The following ENTHD1 variants were observed in gnomAD, a reference collection of about 807,000 sequenced individuals.
The protein encoded by ENTHD1 is ENTH domain containing 1.
In ENTHD1, 23 loss-of-function variants were observed where a neutral mutation model predicts 39.1. That is an observed-to-expected ratio of 0.59 (90% confidence interval 0.42 to 0.83). The LOEUF is 0.83. Among genes scored for constraint, ENTHD1 ranks in the 40% least tolerant of loss-of-function variants. The probability of loss-of-function intolerance (pLI) is 0.00; values close to 1 mark genes in which losing one functional copy is unlikely to be tolerated. For synonymous variants in ENTHD1, 230 were observed against 258.2 expected (o/e 0.89, Z 1.05); for missense variants, 624 against 705.4 (o/e 0.88, Z 1.31).
chr22:39,784,543 TACACAC>T lies in ENTHD1; in HGVS notation c.833-18940_833-18935del, dbSNP rs3044403. 4.3e-3 allele frequency among the ~76,000 whole-genome samples: 609 copies of T among 142,314 alleles called. 4 individuals are homozygous for T. The highest frequency in any genetic ancestry group is 0.025 in the Middle Eastern group (7 of 284). 93.4% of individuals were successfully genotyped at this position (142,314 alleles called of 152,430 possible). On this transcript the variant is annotated intron_variant, in intron 5 of 6. Coordinates refer to ENST00000325157, the MANE Select transcript of ENTHD1 (RefSeq NM_152512.4). ...AAAATGCGCTCTCTCTCTCTCTGTA[TACACAC>T]ACACACACACACACACACACACACA...
At chr22:39,747,609 T>C (rs1337049226) in intron 6 of ENTHD1, among the ~76,000 whole-genome samples, 1 of 152,136 alleles carries the variant, frequency 6.6e-6, no homozygotes, top group East Asian at 1.9e-4. Context: ...TTATCTATAA[T>C]AAATGGTTGA....
chr22:39,804,302 A>G (rs1202388837), intron 5 of ENTHD1, among the ~76,000 whole-genome samples: 1 of 152,114 alleles, frequency 6.6e-6, no homozygotes, highest in Admixed American at 6.5e-5. Flanking sequence ...CCTGGGCAAC[A>G]TAGCGAGACC....
At chr22:39,782,594 A>G (rs920655186) in intron 5 of ENTHD1, among the ~76,000 whole-genome samples, 2 of 152,230 alleles carry the variant, frequency 1.3e-5, no homozygotes, top group African/African-American at 4.8e-5. Context: ...TCAGCAACAC[A>G]TTAAAAAGAT....
In ENTHD1 at chr22:39,868,521, C is replaced by T. The variant is rs549990229; in HGVS notation, c.350-6514G>A. Among the ~76,000 whole-genome samples the T allele has an allele frequency of 2.0e-5, 3 of 152,148 alleles. No homozygotes were observed. In the South Asian group the frequency reaches 6.2e-4, roughly 32 times the overall value. ...ATGTAAGACCTCAAACTATAAGAAT[C>T]CCAGAAGAAAAGCTAGAAAACACCA... On this transcript the variant is annotated intron_variant, in intron 2 of 6. Coordinates refer to ENST00000325157, the MANE Select transcript of ENTHD1 (RefSeq NM_152512.4).
chr22:39,804,841 G>A (rs771812090), intron 5 of ENTHD1, among the ~76,000 whole-genome samples: 2 of 152,138 alleles, frequency 1.3e-5, no homozygotes, highest in Admixed American at 6.5e-5. Context: ...AACTAGACTC[G>A]TATGTAACAG....
chr22:39,744,286 A>G lies in ENTHD1; in HGVS notation c.1220-3T>C. 6.3e-7 allele frequency: 1 copy of G among 1,580,918 alleles called. No homozygotes were observed. Among genetic ancestry groups the G allele is most frequent in the Non-Finnish European group, 8.6e-7 (1 of 1,167,380 alleles). On this transcript the variant is annotated splice_polypyrimidine_tract_variant and splice_region_variant and intron_variant, in intron 6 of 6. Transcript: ENST00000325157. ...TGCTCCCTCAGAAGCAGTTGAAACT[A>G]AAATGTGTAAATGAGAGAAAAAAGA...
intron 5 of ENTHD1, among the ~76,000 whole-genome samples, chr22:39,790,810 C>T (rs765486425): frequency 2.1e-4 from 32 of 152,208 alleles, no homozygotes; most frequent in Non-Finnish European, 4.4e-4. Context: ...TAGCAAGTAG[C>T]GGTCTTCCCA....
chr22:39,827,541 A>G (rs1314288300), intron 4 of ENTHD1, among the ~76,000 whole-genome samples: 1 of 152,210 alleles, frequency 6.6e-6, no homozygotes, highest in Non-Finnish European at 1.5e-5. Flanking sequence ...GGACATGAAT[A>G]GAGTTAACAG....
At chr22:39,781,078 A>G (rs1235281891) in intron 5 of ENTHD1, among the ~76,000 whole-genome samples, 1 of 152,142 alleles carries the variant, frequency 6.6e-6, no homozygotes, top group African/African-American at 2.4e-5. Context: ...TTAATACCCT[A>G]TTCTCAGTAA....
rs1394867180 is a variant in ENTHD1 at position 39,809,899 on chromosome 22, G to A, written c.832+11094C>T. Among the ~76,000 whole-genome samples the A allele has an allele frequency of 2.0e-5, 3 of 152,114 alleles. No individual in the cohort carries two copies. The East Asian group carries it at 5.8e-4, about 29-fold the overall frequency. On this transcript the variant is annotated intron_variant, in intron 5 of 6. Coordinates refer to ENST00000325157, the MANE Select transcript of ENTHD1 (RefSeq NM_152512.4). ...AGGGATGCCGTGGTATCCATTTTCT[G>A]TTTTTTGTTTTTTGTTTTCTTACTT...
At chr22:39,859,861 A>G (rs528241758) in intron 3 of ENTHD1, among the ~76,000 whole-genome samples, 4 of 152,222 alleles carry the variant, frequency 2.6e-5, no homozygotes, top group Non-Finnish European at 5.9e-5. Context: ...ACAAACCTTC[A>G]ATTTGTAAAA....
intron 5 of ENTHD1, among the ~76,000 whole-genome samples, chr22:39,773,377 G>A (rs1009809882): frequency 3.3e-5 from 5 of 152,128 alleles, no homozygotes; most frequent in African/African-American, 1.2e-4. Context: ...GATGGTCCAT[G>A]TGCTGGACCA....
chr22:39,752,672 G>A (rs2146536479), intron 6 of ENTHD1, among the ~76,000 whole-genome samples: 1 of 152,298 alleles, frequency 6.6e-6, no homozygotes, highest in South Asian at 2.1e-4. Context: ...TTTTAATTGG[G>A]AAAATTGGAT....
intron 4 of ENTHD1, among the ~76,000 whole-genome samples, chr22:39,830,414 A>G (rs920597757): frequency 2.6e-5 from 4 of 152,132 alleles, no homozygotes; most frequent in Admixed American, 1.3e-4. Context: ...AGCTATTACG[A>G]AATTAAAGAA....
intron 5 of ENTHD1, among the ~76,000 whole-genome samples, chr22:39,784,543 TACACACACACACACAC>T (rs3044403): frequency 7.0e-6 from 1 of 142,256 alleles, no homozygotes; most frequent in South Asian, 2.3e-4. Flanking sequence ...TCTCTCTGTA[TACACACACACACACAC>T]ACACACACAC....
chr22:39,763,813 C>T (rs1044432212), intron 6 of ENTHD1, among the ~76,000 whole-genome samples: 5 of 152,060 alleles, frequency 3.3e-5, no homozygotes, highest in African/African-American at 4.8e-5. Flanking sequence ...ACACTCACAG[C>T]GACCAAAAAG....
intron 6 of ENTHD1, among the ~76,000 whole-genome samples, chr22:39,764,614 T>G (rs760039062): frequency 1.3e-5 from 2 of 151,880 alleles, no homozygotes; most frequent in African/African-American, 2.4e-5. Context: ...GAAAGCATAA[T>G]TATATAATAG....
chr22:39,878,523 A>C (rs1038188923), intron 2 of ENTHD1, among the ~76,000 whole-genome samples: 1 of 152,018 alleles, frequency 6.6e-6, no homozygotes, highest in Non-Finnish European at 1.5e-5. Context: ...CCTGAAAGAA[A>C]CCAGAGGCAA....
chr22:39,886,796 T>C (rs572075096), intron 2 of ENTHD1, among the ~76,000 whole-genome samples: 2 of 152,334 alleles, frequency 1.3e-5, no homozygotes, highest in South Asian at 2.1e-4. Context: ...AATTATTTTA[T>C]GATCTAAATT....
Sources: allele counts gnomAD v4.1 joint callset (sites outside exome capture counted in the v4.1 genomes callset), GRCh38; gene constraint gnomAD v4.1.1; transcripts MANE v1.5; gene names NCBI Gene and HGNC (gene_info 2026-07-23, HGNC 2026-07-21).